The following PAQR5 variants were observed in gnomAD, a reference collection of about 807,000 sequenced individuals.
The protein encoded by PAQR5 is progestin and adipoQ receptor family member 5, also known as membrane progestin receptor gamma.
A neutral mutation model predicts 34.5 loss-of-function variants in PAQR5; 20 were observed. The ratio of observed to expected loss-of-function variants is 0.58; its 90% CI spans 0.41 to 0.84. The LOEUF is 0.84. PAQR5 is among the 40% of genes least tolerant of loss of function. The pLI is 0.00. For missense variants in PAQR5, 378 were observed against 412.7 expected (o/e 0.92, Z 0.73); for synonymous variants, 131 against 155.6 (o/e 0.84, Z 1.18).
intron 3 of PAQR5, among the ~76,000 whole-genome samples, chr15:69,360,963 A>T (rs1218593604): frequency 6.6e-6 from 1 of 152,180 alleles, no homozygotes; most frequent in African/African-American, 2.4e-5. Flanking sequence ...TGAGGGGGAA[A>T]TTGCCAAACC....
chr15:69,349,065 G>C (rs979586730), intron 2 of PAQR5, among the ~76,000 whole-genome samples: 1 of 152,106 alleles, frequency 6.6e-6, no homozygotes, highest in African/African-American at 2.4e-5. Context: ...GGTACACCTG[G>C]GAGGGTGTTT....
chr15:69,379,999 G>T lies in PAQR5; in HGVS notation c.168G>T (p.Leu56Phe), dbSNP rs1567030863. ...TNETLNIWTH[L>F]LPFWFFAWRF... ...AGACTCTCAACATTTGGACTCACTT[G>T]CTGCCCTTCTGGTACCTTCTGGCCC... The change falls in exon 4 of 9, where the codon TTG becomes TTT. Residue 56 changes from leucine (L) to phenylalanine (F), a missense_variant. Coordinates refer to ENST00000395407, the MANE Select transcript of PAQR5 (RefSeq NM_017705.4). 2.5e-6 allele frequency: 4 copies of T among 1,614,164 alleles called. No individual in the cohort carries two copies. Among genetic ancestry groups the T allele is most frequent in the Non-Finnish European group, 3.4e-6 (4 of 1,180,016 alleles).
chr15:69,300,667 A>C (rs111344883), intron 1 of PAQR5, among the ~76,000 whole-genome samples: 1 of 6,286 alleles, frequency 1.6e-4, no homozygotes, highest in Non-Finnish European at 4.3e-4. Context: ...TCTTTCTTTC[A>C]TTCTTTCTCT....
intron 4 of PAQR5, 117 bp downstream of exon 4, chr15:69,380,127 C>T: frequency 8.8e-7 from 1 of 1,139,960 alleles, no homozygotes; most frequent in South Asian, 1.4e-5. Flanking sequence ...TTGGGGATCC[C>T]CCGTGGGTAC....
chr15:69,385,703 AG>A lies in PAQR5; in HGVS notation c.385+823del, dbSNP rs1159533102. Among the ~76,000 whole-genome samples, 1 of 152,044 alleles carries A rather than the reference AG, an allele frequency of 6.6e-6. No homozygotes were observed. The highest frequency in any genetic ancestry group is 2.4e-5 in the African/African-American group (1 of 41,374). On this transcript the variant is annotated intron_variant, in intron 5 of 8. Coordinates refer to ENST00000395407, the MANE Select transcript of PAQR5 (RefSeq NM_017705.4). This position sits in a 1 kb window ranked among gnomAD's most constrained non-coding sequence, Gnocchi z 4.7. ...TTCCTTGCCCAAGAGGTTGTCCATG[AG>A]GAGCCTACCTCCATCCTCTTTCTTC...
At chr15:69,359,064 C>G (rs1280514752) in intron 2 of PAQR5, among the ~76,000 whole-genome samples, 1 of 152,162 alleles carries the variant, frequency 6.6e-6, no homozygotes, top group African/African-American at 2.4e-5. Context: ...AGCAGATTCC[C>G]CGTCTGGTGA....
Position 69,311,734 on chromosome 15 carries a change from C to T in PAQR5, c.-277+12678C>T, listed in dbSNP as rs147497076. ...AATAAAGGATCTGACCGAGGCCTCA[C>T]GCTCACTGACCAAAGCCTGGTGATT... is the stretch of plus-strand genomic sequence containing the variant. On this transcript the variant is annotated intron_variant, in intron 1 of 8. Coordinates refer to ENST00000395407, the MANE Select transcript of PAQR5 (RefSeq NM_017705.4). Among the ~76,000 whole-genome samples the T allele has an allele frequency of 2.7e-4, 41 of 152,318 alleles. No individual in the cohort carries two copies. In the East Asian group the frequency reaches 7.9e-3, roughly 29 times the overall value.
At chr15:69,304,162 C>A (rs933173774) in intron 1 of PAQR5, among the ~76,000 whole-genome samples, 1 of 152,184 alleles carries the variant, frequency 6.6e-6, no homozygotes, top group African/African-American at 2.4e-5. Flanking sequence ...CCTACCCCCC[C>A]ATCCTTGTCC....
At chr15:69,389,833 C>T in intron 6 of PAQR5, 53 bp downstream of exon 6, 2 of 1,594,898 alleles carry the variant, frequency 1.3e-6, no homozygotes, top group Non-Finnish European at 1.7e-6. Flanking sequence ...TTGCATGCAG[C>T]TCCCTGCACT....
intron 6 of PAQR5, among the ~76,000 whole-genome samples, chr15:69,390,814 G>A (rs551976457): frequency 2.6e-5 from 4 of 151,396 alleles, no homozygotes; most frequent in East Asian, 1.9e-4. Flanking sequence ...CAGCTTACGC[G>A]CTCTAATTCC....
intron 4 of PAQR5, among the ~76,000 whole-genome samples, chr15:69,381,509 T>G (rs2055883505): frequency 6.6e-6 from 1 of 152,194 alleles, no homozygotes; most frequent in Admixed American, 6.5e-5. Flanking sequence ...AGCCTGTCCA[T>G]CCCTGCTTGT....
rs148784850 is a variant in PAQR5 at position 69,377,435 on chromosome 15, C to T, written c.52-2448C>T. Among the ~76,000 whole-genome samples, 22 of 152,298 alleles carry T rather than the reference C, an allele frequency of 1.4e-4. No homozygotes were observed. In the East Asian group the frequency reaches 3.7e-3, roughly 25 times the overall value. The stretch of plus-strand genomic sequence containing the variant: ...TTACAGGAATCTGTCCACCATAAAC[C>T]GGGGATGTCAGCAGAATTGAATGGT... On this transcript the variant is annotated intron_variant, in intron 3 of 8. Transcript: ENST00000395407.
intron 4 of PAQR5, among the ~76,000 whole-genome samples, chr15:69,380,671 T>C (rs1015861781): frequency 2.6e-5 from 4 of 152,098 alleles, no homozygotes; most frequent in African/African-American, 9.7e-5. Context: ...TGTCACACAC[T>C]GCACACCTTT....
intron 2 of PAQR5, among the ~76,000 whole-genome samples, chr15:69,345,114 AAGAAAAG>A (rs1208798743): frequency 6.6e-6 from 1 of 152,054 alleles, no homozygotes; most frequent in East Asian, 1.9e-4. Flanking sequence ...AAAAAGAAAA[AAGAAAAG>A]AGAAAGAAGA....
intron 6 of PAQR5, 98 bp downstream of exon 6, chr15:69,389,878 G>T: frequency 7.0e-7 from 1 of 1,422,034 alleles, no homozygotes; most frequent in Non-Finnish European, 9.6e-7. Flanking sequence ...GGGCTCAATG[G>T]AAAAGGTGCT....
At chr15:69,309,903 C>G (rs559939960) in intron 1 of PAQR5, among the ~76,000 whole-genome samples, 42 of 151,964 alleles carry the variant, frequency 2.8e-4, no homozygotes, top group Admixed American at 4.6e-4. Flanking sequence ...CAAAAATTAG[C>G]CAGGCATGAT....
chr15:69,344,132 C>G (rs554249373), intron 2 of PAQR5, among the ~76,000 whole-genome samples: 2 of 152,336 alleles, frequency 1.3e-5, no homozygotes, highest in African/African-American at 4.8e-5. Context: ...CCATGCCCGG[C>G]TACAGCAAGC....
Position 69,397,496 on chromosome 15 carries a change from TG to T in PAQR5, c.542del (p.Cys181LeufsTer3). The T allele has an allele frequency of 6.2e-7, 1 of 1,613,826 alleles. No homozygotes were observed. Among genetic ancestry groups the T allele is most frequent in the Non-Finnish European group, 8.5e-7 (1 of 1,179,656 alleles). On this transcript the variant is annotated frameshift_variant, in exon 7 of 9. Coordinates refer to ENST00000395407, the MANE Select transcript of PAQR5 (RefSeq NM_017705.4). LOFTEE classifies it high-confidence loss of function. ...TCTTGAAATCCAGAAGCCCAGACTC[TG>T]TAAGGTGATTCGTGTCCTCGCCTTT... ...RFLEIQKPRL[C>X]KVIRVLAFAY...
At position 69,384,829 on chromosome 15, in the gene PAQR5, C is replaced by A; in HGVS notation, c.332C>A (p.Ala111Asp). The change falls in exon 5 of 9, where the codon GCC becomes GAC. Residue 111 changes from alanine (A) to aspartate (D), a missense_variant. By Grantham distance (126) the Ala-to-Asp change is moderately radical. Transcript: ENST00000395407. The part of the protein sequence containing the change: ...AHTFSSMSKN[A>D]RHICYFLDYG... ...ACCTTCAGCTCTATGTCCAAGAATG[C>A]CCGGCACATTTGCTACTTCCTGGAC... is the stretch of plus-strand genomic sequence containing the variant. The A allele has an allele frequency of 6.2e-7, 1 of 1,614,148 alleles. No individual in the cohort carries two copies. Among genetic ancestry groups the A allele is most frequent in the Non-Finnish European group, 8.5e-7 (1 of 1,180,004 alleles).
Sources: gnomAD v4.1 joint callset for allele counts (sites outside exome capture counted in the v4.1 genomes callset) on GRCh38, gnomAD v4.1.1 for gene constraint, Gnocchi (gnomAD v3.1) non-coding constraint, MANE v1.5 for transcripts, NCBI Gene and HGNC (gene_info 2026-07-23, HGNC 2026-07-21) for gene names.